PNPLA7: variants seen among roughly 807,000 people sequenced by gnomAD.
PNPLA7 encodes patatin-like phospholipase domain-containing protein 7.
A neutral mutation model predicts 161.7 loss-of-function variants in PNPLA7; 153 were observed. The observed-to-expected ratio is 0.95, with a 90% CI of 0.83 to 1.08. The LOEUF (loss-of-function observed/expected upper bound fraction) is 1.08. PNPLA7 is among the 50% of genes least tolerant of loss of function. PNPLA7 has a pLI of 0.00. For synonymous variants in PNPLA7, 809 were observed against 782.1 expected, an observed-to-expected ratio of 1.03 and a Z score of -0.57; for missense variants, 1,739 against 1,856.6, an observed-to-expected ratio of 0.94 and a Z score of 1.16.
At chr9:137,550,070 AAG>A in intron 1 of PNPLA7, 96 bp downstream of exon 1, 1 of 1,487,010 alleles carries the variant, frequency 6.7e-7, no homozygotes, top group Non-Finnish European at 9.4e-7. Context: ...CACGGGGCCA[AAG>A]AGCGCGGCAG....
At chr9:137,487,862 C>G (rs1002169444) in intron 20 of PNPLA7, among the ~76,000 whole-genome samples, 1 of 152,224 alleles carries the variant, frequency 6.6e-6, no homozygotes, top group African/African-American at 2.4e-5. Flanking sequence ...CACAACCTGG[C>G]ACGCCCTGCG....
chr9:137,479,630 A>G, intron 23 of PNPLA7: 1 of 985,442 alleles, frequency 1.0e-6, no homozygotes, highest in Non-Finnish European at 1.2e-6. Flanking sequence ...GGATTAGCCC[A>G]GGCAGGCTTG....
In PNPLA7 at chr9:137,476,380, C is replaced by A. The variant is rs1831944272; in HGVS notation, c.2882+1654G>T. Among the ~76,000 whole-genome samples, 1 of 152,044 alleles carries A rather than the reference C, an allele frequency of 6.6e-6. No individual in the cohort carries two copies. The highest frequency in any genetic ancestry group is 2.4e-5 in the African/African-American group (1 of 41,388). On this transcript the variant is annotated intron_variant, in intron 25 of 34. Coordinates refer to ENST00000406427, the MANE Select transcript of PNPLA7 (RefSeq NM_001098537.3). The surrounding 1 kb of genome is among the most constrained non-coding windows in gnomAD (Gnocchi z 4.5). ...AACACAGACAGTGAGTGCTGGCTAACTAGTGATGGGACCACACTGGGATTG... is the reference window on the plus strand; with the variant it reads ...AACACAGACAGTGAGTGCTGGCTAAATAGTGATGGGACCACACTGGGATTG...
chr9:137,483,060 C>T (rs11998929), intron 21 of PNPLA7, among the ~76,000 whole-genome samples: 20 of 152,164 alleles, frequency 1.3e-4, no homozygotes, highest in East Asian at 3.9e-4. Flanking sequence ...TTTAGTGAGA[C>T]GGGGTTTCAA....
chr9:137,480,274 G>T, intron 23 of PNPLA7, 38 bp downstream of exon 23: 1 of 1,593,444 alleles, frequency 6.3e-7, no homozygotes, highest in Non-Finnish European at 8.5e-7. Flanking sequence ...TCTGAAGAGA[G>T]GGCTCTCCCC....
intron 25 of PNPLA7, among the ~76,000 whole-genome samples, chr9:137,471,054 C>T (rs1420226838): frequency 6.6e-6 from 1 of 152,198 alleles, no homozygotes; most frequent in Non-Finnish European, 1.5e-5. Context: ...CACAGTGCAG[C>T]GGTGGTTCCC....
intron 13 of PNPLA7, 60 bp from the exon 14 acceptor site, chr9:137,505,820 G>A: frequency 6.3e-7 from 1 of 1,598,656 alleles, no homozygotes; most frequent in East Asian, 2.2e-5. Context: ...CATCGCACAA[G>A]GGTGTGGTCA....
At chr9:137,461,679 C>T in intron 32 of PNPLA7, 59 bp from the exon 33 acceptor site, 1 of 1,506,736 alleles carries the variant, frequency 6.6e-7, no homozygotes, top group Non-Finnish European at 9.1e-7. Flanking sequence ...AGTCCCCAGC[C>T]TGCTTCCTGT....
Position 137,517,866 on chromosome 9 carries a change from A to G in PNPLA7, c.1084+2051T>C, listed in dbSNP as rs367811239. 3.4e-3 allele frequency among the ~76,000 whole-genome samples: 83 copies of G among 24,422 alleles called. 1 individual carries two copies. Among genetic ancestry groups the G allele is most frequent in the African/African-American group, 0.01 (32 of 3,056 alleles). The allele number at this position is 24,422 out of a possible 152,430, so 16.0% of individuals were successfully genotyped here. ...ATCCCACACTCACTCACTCCACTCT[A>G]TCCACTCCATCCCACACTCACTCAC... is the stretch of plus-strand genomic sequence containing the variant. On this transcript the variant is annotated intron_variant, in intron 11 of 34. Coordinates refer to ENST00000406427, the MANE Select transcript of PNPLA7 (RefSeq NM_001098537.3).
intron 26 of PNPLA7, chr9:137,464,785 C>T (rs902802435): frequency 3.0e-6 from 1 of 333,090 alleles, no homozygotes; most frequent in African/African-American, 2.1e-5. Context: ...TGGGGCAAGG[C>T]CTGCCCATGC....
At chr9:137,491,877 A>G (rs1035902150) in intron 20 of PNPLA7, 1 of 985,452 alleles carries the variant, frequency 1.0e-6, no homozygotes, top group Non-Finnish European at 1.2e-6. Context: ...GAGAAGAAAA[A>G]GGAAGCGGAA....
At chr9:137,511,059 G>C (rs1435209426) in intron 12 of PNPLA7, among the ~76,000 whole-genome samples, 2 of 152,270 alleles carry the variant, frequency 1.3e-5, no homozygotes, top group Admixed American at 6.5e-5. Context: ...GAAGACAAGA[G>C]TGTGAGCTCT....
At chr9:137,474,247 C>T (rs566665422) in intron 25 of PNPLA7, among the ~76,000 whole-genome samples, 18 of 152,092 alleles carry the variant, frequency 1.2e-4, no homozygotes, top group Non-Finnish European at 2.6e-4. Context: ...TCAAAACAAA[C>T]AAACAAAAGA....
Position 137,499,272 on chromosome 9 carries a change from G to C in PNPLA7, c.1758-1027C>G, listed in dbSNP as rs1235219057. On this transcript the variant is annotated intron_variant, in intron 16 of 34. Coordinates refer to ENST00000406427, the MANE Select transcript of PNPLA7 (RefSeq NM_001098537.3). The surrounding 1 kb of genome is among the most constrained non-coding windows in gnomAD (Gnocchi z 5.5). ...CACAAGGAGACACACATGGACACAT[G>C]TAGACACAGAGACAGACACACGGAC... 6.6e-6 allele frequency among the ~76,000 whole-genome samples: 1 copy of C among 151,072 alleles called. No homozygotes were observed. Among genetic ancestry groups the C allele is most frequent in the Non-Finnish European group, 1.5e-5 (1 of 67,736 alleles).
At chr9:137,465,709 G>A (rs4962236) in intron 26 of PNPLA7, among the ~76,000 whole-genome samples, 2 of 152,240 alleles carry the variant, frequency 1.3e-5, no homozygotes, top group East Asian at 3.9e-4. Context: ...CGTGAATGCA[G>A]CACAGGCCTG....
In PNPLA7 at chr9:137,540,134, C is replaced by G. The variant is rs978766220; in HGVS notation, c.747+508G>C. Among the ~76,000 whole-genome samples the G allele has an allele frequency of 2.0e-5, 3 of 152,180 alleles. No individual in the cohort carries two copies. Among genetic ancestry groups the G allele is most frequent in the African/African-American group, 4.8e-5 (2 of 41,448 alleles). On this transcript the variant is annotated intron_variant, in intron 8 of 34. Transcript: ENST00000406427. This position sits in a 1 kb window ranked among gnomAD's most constrained non-coding sequence, Gnocchi z 5.1. Reference sequence around the variant, plus strand: ...TCTGCATCCCTGGGACCCTGCAAGTCCACCCTAGGATTTATCCTGCAGATC... The same window carrying G: ...TCTGCATCCCTGGGACCCTGCAAGTGCACCCTAGGATTTATCCTGCAGATC...
intron 4 of PNPLA7, among the ~76,000 whole-genome samples, chr9:137,545,916 A>G (rs933873596): frequency 4.6e-5 from 7 of 152,250 alleles, no homozygotes; most frequent in Admixed American, 2.0e-4. Flanking sequence ...GCTACTTAGC[A>G]GACAGGGAAA....
intron 18 of PNPLA7, 101 bp from the exon 19 acceptor site, chr9:137,495,247 C>A: frequency 1.3e-6 from 1 of 742,156 alleles, no homozygotes; most frequent in Non-Finnish European, 2.2e-6. Context: ...CCACACATGA[C>A]ACCCCATCCA....
At chr9:137,522,289 T>G (rs948221123) in intron 9 of PNPLA7, among the ~76,000 whole-genome samples, 3 of 151,650 alleles carry the variant, frequency 2.0e-5, no homozygotes, top group African/African-American at 7.3e-5. Context: ...TGAGCCAGGA[T>G]GGTCTCGATC....
Sources: allele counts gnomAD v4.1 joint callset (sites outside exome capture counted in the v4.1 genomes callset), GRCh38; gene constraint gnomAD v4.1.1; non-coding constraint Gnocchi (gnomAD v3.1); transcripts MANE v1.5; gene names NCBI Gene and HGNC (gene_info 2026-07-23, HGNC 2026-07-21).